GKAP1: variants seen among roughly 807,000 people sequenced by gnomAD.
GKAP1 encodes the protein G kinase-anchoring protein 1.
In GKAP1, 31 loss-of-function variants were observed where a neutral mutation model predicts 56.7. That is an observed-to-expected ratio of 0.55 (90% CI 0.41 to 0.74). The LOEUF is 0.74. Ranked by LOEUF, GKAP1 falls within the 30% of genes least tolerant of loss-of-function variation. The pLI is 0.00. For synonymous variants in GKAP1, 151 were observed against 138.6 expected, an observed-to-expected ratio of 1.09 and a Z score of -0.63; for missense variants, 364 against 402.3, an observed-to-expected ratio of 0.90 and a Z score of 0.82.
chr9:83,817,518 G>C lies in GKAP1; in HGVS notation c.-177C>G, dbSNP rs918022796. On this transcript the variant is annotated splice_region_variant and 5_prime_UTR_variant, in exon 1 of 13. Coordinates refer to ENST00000376371, the MANE Select transcript of GKAP1 (RefSeq NM_025211.4). ...GCGGGCCCGCCTCCGCGTACTCACCGGGCCTCCCGTGCCGCCGGCTCGGCC... is the reference window on the plus strand; with the variant it reads ...GCGGGCCCGCCTCCGCGTACTCACCCGGCCTCCCGTGCCGCCGGCTCGGCC... The C allele has an allele frequency of 1.3e-5, 2 of 151,386 alleles. No individual in the cohort carries two copies. Among genetic ancestry groups the C allele is most frequent in the Admixed American group, 6.6e-5 (1 of 15,218 alleles). The allele number at this position is 151,386 out of a possible 1,614,324, so 9.4% of individuals were successfully genotyped here.
intron 3 of GKAP1, among the ~76,000 whole-genome samples, chr9:83,799,651 T>G (rs1564211534): frequency 6.6e-6 from 1 of 152,142 alleles, no homozygotes; most frequent in Non-Finnish European, 1.5e-5. Context: ...AAAACAAGTG[T>G]GCTTTTAAAA....
intron 2 of GKAP1, among the ~76,000 whole-genome samples, chr9:83,809,439 A>C (rs567202587): frequency 6.6e-6 from 1 of 152,374 alleles, no homozygotes; most frequent in South Asian, 2.1e-4. Context: ...TCCAAGTCCT[A>C]GTAATCTACC....
chr9:83,746,315 GGACA>G (rs1943293207), intron 10 of GKAP1, among the ~76,000 whole-genome samples: 1 of 152,048 alleles, frequency 6.6e-6, no homozygotes, highest in African/African-American at 2.4e-5. Flanking sequence ...GACATCCCGA[GGACA>G]CCAAAATCTA....
intron 2 of GKAP1, among the ~76,000 whole-genome samples, chr9:83,807,515 T>G (rs1177581005): frequency 6.6e-6 from 1 of 152,194 alleles, no homozygotes; most frequent in Non-Finnish European, 1.5e-5. Flanking sequence ...ATATTCAATT[T>G]GAAAAAATTA....
intron 3 of GKAP1, among the ~76,000 whole-genome samples, chr9:83,804,826 G>A (rs1271575132): frequency 2.1e-5 from 2 of 94,764 alleles, no homozygotes; most frequent in Admixed American, 9.0e-5. Flanking sequence ...CTGGTCAGCC[G>A]CCCCGTCCGG....
intron 5 of GKAP1, among the ~76,000 whole-genome samples, chr9:83,787,370 G>C (rs775456696): frequency 5.7e-4 from 87 of 151,542 alleles, no homozygotes; most frequent in Admixed American, 1.1e-3. Flanking sequence ...CCAAGTAGCT[G>C]GGAATACAGG....
chr9:83,806,589 G>A (rs1406108996), intron 2 of GKAP1, 29 bp from the exon 3 acceptor site: 3 of 1,256,972 alleles, frequency 2.4e-6, no homozygotes, highest in Admixed American at 2.1e-5. Context: ...GTAGGCAGAT[G>A]GGTAAACAAA....
chr9:83,752,273 G>A (rs1256898237), intron 9 of GKAP1, among the ~76,000 whole-genome samples: 2 of 152,008 alleles, frequency 1.3e-5, no homozygotes, highest in African/African-American at 4.8e-5. Flanking sequence ...ATGGTGGTGC[G>A]GGCATGGTGG....
At chr9:83,794,779 A>C (rs1287424154) in intron 4 of GKAP1, among the ~76,000 whole-genome samples, 6 of 151,358 alleles carry the variant, frequency 4.0e-5, no homozygotes, top group African/African-American at 1.5e-4. Context: ...TATACCTGAA[A>C]AACATCTACA....
intron 2 of GKAP1, among the ~76,000 whole-genome samples, chr9:83,812,132 CCTTT>C (rs1389883571): frequency 6.6e-6 from 1 of 151,192 alleles, no homozygotes; most frequent in East Asian, 1.9e-4. Flanking sequence ...TGCTTATTTT[CCTTT>C]CTATGGTTTT....
intron 4 of GKAP1, among the ~76,000 whole-genome samples, chr9:83,796,611 G>A (rs1380963082): frequency 6.6e-6 from 1 of 152,118 alleles, no homozygotes; most frequent in Non-Finnish European, 1.5e-5. Context: ...GGGATTACAG[G>A]CATGCACCAT....
intron 7 of GKAP1, among the ~76,000 whole-genome samples, chr9:83,775,773 G>A (rs1201406167): frequency 2.7e-5 from 4 of 148,906 alleles, no homozygotes; most frequent in Non-Finnish European, 4.4e-5. Flanking sequence ...TACTCGGGAA[G>A]CTGAGGCTCA....
At chr9:83,794,820 G>C (rs1459589299) in intron 4 of GKAP1, among the ~76,000 whole-genome samples, 1 of 152,174 alleles carries the variant, frequency 6.6e-6, no homozygotes, top group African/African-American at 2.4e-5. Flanking sequence ...ACAGCTGTTG[G>C]TGAACAATAT....
intron 7 of GKAP1, among the ~76,000 whole-genome samples, chr9:83,777,338 G>C (rs1943880706): frequency 6.6e-6 from 1 of 152,142 alleles, no homozygotes; most frequent in Admixed American, 6.5e-5. Flanking sequence ...GAGTATCTAT[G>C]AGATACCCTT....
chr9:83,753,419 T>C, intron 8 of GKAP1, 60 bp from the exon 9 acceptor site: 2 of 1,103,254 alleles, frequency 1.8e-6, no homozygotes, highest in Non-Finnish European at 2.7e-6. Flanking sequence ...TGGTTTATAG[T>C]ATTCCTTTGT....
chr9:83,767,316 C>A (rs1190454840), intron 8 of GKAP1, among the ~76,000 whole-genome samples: 2 of 151,984 alleles, frequency 1.3e-5, no homozygotes, highest in Non-Finnish European at 2.9e-5. Flanking sequence ...AAGGGTCCAA[C>A]AACAAACATC....
intron 2 of GKAP1, among the ~76,000 whole-genome samples, chr9:83,810,133 C>G (rs937939912): frequency 1.3e-5 from 2 of 152,092 alleles, no homozygotes; most frequent in African/African-American, 4.8e-5. Flanking sequence ...ATTTTTATCG[C>G]AAGAAATTTT....
At chr9:83,756,343 T>C (rs957884683) in intron 8 of GKAP1, among the ~76,000 whole-genome samples, 2 of 151,544 alleles carry the variant, frequency 1.3e-5, no homozygotes, top group Non-Finnish European at 2.9e-5. Flanking sequence ...TGGTGGCACA[T>C]GCCTTCAATC....
At chr9:83,806,022 T>G (rs1333671649) in intron 3 of GKAP1, among the ~76,000 whole-genome samples, 1 of 151,870 alleles carries the variant, frequency 6.6e-6, no homozygotes, top group Admixed American at 6.6e-5. Flanking sequence ...GAGGCTAAGG[T>G]GTGAGGCTAC....
Sources: allele counts gnomAD v4.1 joint callset (sites outside exome capture counted in the v4.1 genomes callset), GRCh38; gene constraint gnomAD v4.1.1; transcripts MANE v1.5; gene names NCBI Gene and HGNC (gene_info 2026-07-23, HGNC 2026-07-21).